ANK3: variants seen among roughly 807,000 people sequenced by gnomAD.
ANK3 encodes the protein ankyrin 3.
A neutral mutation model predicts 370.9 loss-of-function variants in ANK3; 57 were observed. The observed-to-expected ratio is 0.15, with a 90% CI of 0.12 to 0.19. The LOEUF is 0.19. Ranked by LOEUF, ANK3 falls within the 10% of genes least tolerant of loss-of-function variation. The pLI, the probability that ANK3 is intolerant of heterozygous loss-of-function variation, is 1.00. For missense variants in ANK3, 4,439 were observed against 5,302.1 expected (o/e 0.84, Z 5.06); for synonymous variants, 1,929 against 1,946.3 (o/e 0.99, Z 0.23).
rs547932448 is a variant in ANK3 at position 60,196,901 on chromosome 10, A to G, written c.1690-276T>C. Among the ~76,000 whole-genome samples the G allele has an allele frequency of 9.2e-4, 140 of 152,170 alleles. 3 individuals are homozygous for G. Among genetic ancestry groups the G allele is most frequent in the Non-Finnish European group, 6.3e-4 (43 of 68,032 alleles). ...TCCCTTCTGCTGACTGAGCCATGAC[A>G]TGCTATTGGTTCTGGAAGTCTTCAG... On this transcript the variant is annotated intron_variant, in intron 14 of 43. Coordinates refer to ENST00000280772, the MANE Select transcript of ANK3 (RefSeq NM_020987.5).
intron 1 of ANK3, among the ~76,000 whole-genome samples, chr10:60,730,831 G>A (rs1295275417): frequency 6.6e-6 from 1 of 152,126 alleles, no homozygotes; most frequent in African/African-American, 2.4e-5. Context: ...ATGTGAGTTT[G>A]GGGAAGCTGT....
intron 1 of ANK3, among the ~76,000 whole-genome samples, chr10:60,302,145 C>G (rs1006107784): frequency 6.6e-6 from 1 of 152,090 alleles, no homozygotes; most frequent in Non-Finnish European, 1.5e-5. Flanking sequence ...TGTGGGAAGA[C>G]AGATGACAAA....
At chr10:60,547,400 T>C (rs921448070) in intron 2 of ANK3, among the ~76,000 whole-genome samples, 10 of 151,840 alleles carry the variant, frequency 6.6e-5, no homozygotes, top group African/African-American at 2.4e-4. Context: ...CCTTTTCTTT[T>C]TTCTTTTCTT....
chr10:60,438,645 T>A (rs893890320), intron 2 of ANK3, among the ~76,000 whole-genome samples: 1 of 152,190 alleles, frequency 6.6e-6, no homozygotes, highest in African/African-American at 2.4e-5. Flanking sequence ...TTCTATTAAG[T>A]GAGGAAGACC....
At chr10:60,380,865 G>T (rs2061460922) in intron 1 of ANK3, among the ~76,000 whole-genome samples, 1 of 152,170 alleles carries the variant, frequency 6.6e-6, no homozygotes, top group Admixed American at 6.5e-5. Flanking sequence ...AGTTTGGTCA[G>T]GTGAAGGTTA....
intron 2 of ANK3, among the ~76,000 whole-genome samples, chr10:60,551,772 C>T (rs1175814803): frequency 1.3e-5 from 2 of 151,994 alleles, no homozygotes; most frequent in African/African-American, 4.8e-5. Context: ...GCATGTAAAA[C>T]AGGAAGATAA....
At chr10:60,054,608 G>A (rs543668395) in intron 42 of ANK3, among the ~76,000 whole-genome samples, 1 of 152,280 alleles carries the variant, frequency 6.6e-6, no homozygotes, top group East Asian at 1.9e-4. Flanking sequence ...CTGCAGAAGG[G>A]AATAGGAAAG....
intron 1 of ANK3, among the ~76,000 whole-genome samples, chr10:60,298,667 C>T (rs76768989): frequency 6.6e-6 from 1 of 152,136 alleles, no homozygotes; most frequent in Non-Finnish European, 1.5e-5. Flanking sequence ...CACATATGGG[C>T]TGAGATCAAA....
chr10:60,486,492 A>C (rs559554254), intron 2 of ANK3, among the ~76,000 whole-genome samples: 1 of 152,320 alleles, frequency 6.6e-6, no homozygotes, highest in East Asian at 1.9e-4. Context: ...AGGCAGGAGA[A>C]TCACTTGAAC....
At chr10:60,138,704 A>G (rs2094450088) in intron 24 of ANK3, 1 of 506,584 alleles carries the variant, frequency 2.0e-6, no homozygotes, top group South Asian at 3.4e-5. Flanking sequence ...CTCTTTTGCT[A>G]CTGTGCTGGC....
chr10:60,043,138 T>C, intron 42 of ANK3: 1 of 998,428 alleles, frequency 1.0e-6, no homozygotes, highest in Non-Finnish European at 1.2e-6. Context: ...TAAGTACTAA[T>C]CCATGGAAAT....
At chr10:60,095,087 G>C (rs1414344581) in intron 28 of ANK3, among the ~76,000 whole-genome samples, 1 of 152,254 alleles carries the variant, frequency 6.6e-6, no homozygotes, top group Non-Finnish European at 1.5e-5. Context: ...GCATTGCTCG[G>C]CATCATGAGT....
intron 1 of ANK3, among the ~76,000 whole-genome samples, chr10:60,345,939 A>C (rs188198971): frequency 2.0e-5 from 3 of 152,240 alleles, no homozygotes; most frequent in African/African-American, 7.2e-5. Flanking sequence ...TAGTTCAAAA[A>C]TAATTAAATC....
chr10:60,248,347 AT>A (rs948314063), intron 7 of ANK3, among the ~76,000 whole-genome samples: 1 of 151,850 alleles, frequency 6.6e-6, no homozygotes, highest in Non-Finnish European at 1.5e-5. Flanking sequence ...CTATTTTCTG[AT>A]TTTTTTTGAT....
At chr10:60,349,346 T>A (rs1340276197) in intron 1 of ANK3, among the ~76,000 whole-genome samples, 2 of 152,148 alleles carry the variant, frequency 1.3e-5, no homozygotes, top group African/African-American at 4.8e-5. Context: ...AAAAACCTCA[T>A]GTGTTATAGC....
At chr10:60,387,223 A>ACC (rs900654743) in intron 1 of ANK3, among the ~76,000 whole-genome samples, 1 of 152,094 alleles carries the variant, frequency 6.6e-6, no homozygotes, top group Admixed American at 6.6e-5. Context: ...CCCCATAATA[A>ACC]CCCACAAAAT....
At chr10:60,567,492 C>T (rs918648189) in intron 2 of ANK3, among the ~76,000 whole-genome samples, 2 of 152,112 alleles carry the variant, frequency 1.3e-5, no homozygotes. Context: ...TATTACTGCT[C>T]ATTGACAATG....
At chr10:60,474,272 C>CA (rs5785447) in intron 2 of ANK3, among the ~76,000 whole-genome samples, 79,063 of 151,930 alleles carry the variant, frequency 0.52, 20,889 homozygotes, top group Middle Eastern at 0.59. Flanking sequence ...GACAGGAATA[C>CA]TACTTACAGA....
chr10:60,423,784 C>T (rs2063824781), intron 2 of ANK3, among the ~76,000 whole-genome samples: 1 of 151,870 alleles, frequency 6.6e-6, no homozygotes, highest in South Asian at 2.1e-4. Context: ...GTATGAAAAC[C>T]CAGAATATAC....
Sources: allele counts gnomAD v4.1 joint callset (sites outside exome capture counted in the v4.1 genomes callset), GRCh38; gene constraint gnomAD v4.1.1; transcripts MANE v1.5; gene names NCBI Gene and HGNC (gene_info 2026-07-23, HGNC 2026-07-21).